DPH7: variants seen among roughly 807,000 people sequenced by gnomAD.
DPH7 encodes diphthamide biosynthesis 7, also known as diphthine methyltransferase.
Under a neutral mutation model 41.7 loss-of-function variants are expected in DPH7, and 44 were observed. That is an observed-to-expected ratio of 1.05 (90% confidence interval 0.83 to 1.36). The LOEUF is 1.36. DPH7 is among the 40% of genes most tolerant of loss of function. The pLI, the probability that DPH7 is intolerant of heterozygous loss-of-function variation, is 0.00. For synonymous variants in DPH7, 275 were observed against 238.0 expected (o/e 1.16, Z -1.43); for missense variants, 629 against 577.5 (o/e 1.09, Z -0.91).
At chr9:137,575,967 C>T (rs1172166535) in intron 3 of DPH7, 113 bp downstream of exon 3, 1 of 1,555,418 alleles carries the variant, frequency 6.4e-7, no homozygotes, top group Non-Finnish European at 8.7e-7. Flanking sequence ...TTATATATAG[C>T]TCACCATTGA....
intron 8 of DPH7, among the ~76,000 whole-genome samples, chr9:137,560,781 G>A (rs560082452): frequency 8.2e-4 from 124 of 151,808 alleles, no homozygotes; most frequent in African/African-American, 2.6e-3. Flanking sequence ...GCGTGAACCC[G>A]GGAGGCGGAG....
rs149311030 is a variant in DPH7, at chr9:137,574,314, C to T, written c.534G>A (p.Val178=). 650 of 1,614,100 alleles carry T rather than the reference C, an allele frequency of 4.0e-4. 2 individuals carry two copies. In the Middle Eastern group the frequency reaches 4.4e-3, roughly 11 times the overall value. ...TCTGCAGCCTGGGCCTCGTCTCATTCACCATCAGGAGGTGGAGCTGCCCTG... is the reference window on the plus strand; with the variant it reads ...TCTGCAGCCTGGGCCTCGTCTCATTTACCATCAGGAGGTGGAGCTGCCCTG... ...DSTGQLHLLM[V]NETRPRLQKV... Residue 178 remains valine, a synonymous_variant, in exon 5 of 9, where the codon GTG becomes GTA. Transcript: ENST00000277540.
At chr9:137,576,759 G>C (rs1009169166) in intron 2 of DPH7, among the ~76,000 whole-genome samples, 1 of 152,116 alleles carries the variant, frequency 6.6e-6, no homozygotes, top group Non-Finnish European at 1.5e-5. Context: ...GTGTGGTGGC[G>C]GGCGCCTGTA....
At chr9:137,578,375 C>T (rs995120995) in intron 1 of DPH7, 3 of 355,794 alleles carry the variant, frequency 8.4e-6, no homozygotes, top group Non-Finnish European at 1.5e-5. Context: ...ACCATGTTAG[C>T]CAGGATGGTC....
At position 137,558,030 on chromosome 9, in the gene DPH7, G is replaced by A. The variant is rs1158350235; in HGVS notation, c.950-2382C>T. On this transcript the variant is annotated intron_variant, in intron 8 of 8. Coordinates refer to ENST00000277540, the MANE Select transcript of DPH7 (RefSeq NM_138778.5). ...ACACACCTGTAATCCCAGCTACTCC[G>A]GAGGCTGCAGCAGGAGAGTTGCTTG... 4.6e-5 allele frequency among the ~76,000 whole-genome samples: 7 copies of A among 152,158 alleles called. No individual in the cohort carries two copies. In the South Asian group the frequency reaches 1.0e-3, roughly 23 times the overall value.
At position 137,574,297 on chromosome 9, in the gene DPH7, C is replaced by G; in HGVS notation, c.551G>C (p.Arg184Thr). Reference protein sequence around the residue: ...HLLMVNETRPRLQKVASWQAH... With the variant: ...HLLMVNETRPTLQKVASWQAH... ...CTGCCATGAGGCCACTTTCTGCAGCCTGGGCCTCGTCTCATTCACCATCAG... is the reference window on the plus strand; with the variant it reads ...CTGCCATGAGGCCACTTTCTGCAGCGTGGGCCTCGTCTCATTCACCATCAG... Residue 184 changes from arginine to threonine, a missense_variant, in exon 5 of 9, where the codon AGG becomes ACG. Transcript: ENST00000277540. 1 of 1,614,232 alleles carries G rather than the reference C, an allele frequency of 6.2e-7. No homozygotes were observed. The highest frequency in any genetic ancestry group is 8.5e-7 in the Non-Finnish European group (1 of 1,180,052).
intron 5 of DPH7, 21 bp downstream of exon 5, chr9:137,574,187 G>A (rs1449851450): frequency 2.5e-6 from 4 of 1,609,694 alleles, no homozygotes; most frequent in African/African-American, 1.3e-5. Context: ...CATCAGAGGT[G>A]ACCGGTGGAG....
Position 137,578,646 on chromosome 9 carries a change from C to G in DPH7, c.132G>C (p.Arg44=). ...GTYQLRRPED[R]PAGPQNKGGM... ...GCACCTTGTTCTGGGGGCCGGCAGG[C>G]CGGTCCTCCGGCCGCCGCAGCTGGT... Residue 44 remains arginine, a synonymous_variant, in exon 1 of 9, where the codon CGG becomes CGC. Transcript: ENST00000277540. The G allele has an allele frequency of 6.6e-7, 1 of 1,515,822 alleles. No homozygotes were observed. Among genetic ancestry groups the G allele is most frequent in the South Asian group, 1.2e-5 (1 of 81,692 alleles). The allele number at this position is 1,515,822 out of a possible 1,614,324, so 93.9% of individuals were successfully genotyped here.
chr9:137,561,021 C>CAAAAAAAAA (rs869251490), intron 8 of DPH7, among the ~76,000 whole-genome samples: 27 of 80,608 alleles, frequency 3.3e-4, no homozygotes, highest in African/African-American at 7.0e-4. Flanking sequence ...GACCCCATCT[C>CAAAAAAAAA]AAAAAAAAAA....
At chr9:137,564,797 A>AGGAGGAAAGGCAGCGAAAGAG (rs1839280306) in intron 7 of DPH7, 96 bp downstream of exon 7, 2 of 1,461,658 alleles carry the variant, frequency 1.4e-6, no homozygotes, top group Non-Finnish European at 1.9e-6. Context: ...CAATGGTGCC[A>AGGAGGAAAGGCAGCGAAAGAG]GGAGGAAAGG....
chr9:137,568,579 G>A (rs1168131739), intron 5 of DPH7, among the ~76,000 whole-genome samples: 3 of 151,990 alleles, frequency 2.0e-5, no homozygotes, highest in East Asian at 1.9e-4. Context: ...GCTCCCCGGG[G>A]TGACTCTGTC....
In DPH7 at chr9:137,578,897, C is replaced by G. The variant is rs544406780; in HGVS notation, c.-120G>C. On this transcript the variant is annotated 5_prime_UTR_variant, in exon 1 of 9. Transcript: ENST00000277540. ...GACGAGCGCAGAGCCCCAGGGACAC[C>G]GTCAGCGCGGGCCGCCTCTCTCGCG... 4 of 1,099,800 alleles carry G rather than the reference C, an allele frequency of 3.6e-6. No homozygotes were observed. The highest frequency in any genetic ancestry group is 6.6e-5 in the East Asian group (2 of 30,510). 68.1% of individuals were successfully genotyped at this position (1,099,800 alleles called of 1,614,324 possible). A position where few individuals can be genotyped will look rare whatever the true frequency, so the allele number is the denominator to read the frequency against.
intron 3 of DPH7, chr9:137,575,447 G>A (rs772789341): frequency 1.3e-5 from 13 of 988,352 alleles, no homozygotes; most frequent in South Asian, 4.6e-5. Context: ...GCTTTCCTGT[G>A]GCTGCTCTTT....
rs928493042 is a variant in DPH7 at position 137,556,056 on chromosome 9, C to T, written c.950-408G>A. ...AGCAGAGGTGAGAAAGTCCAAGGCT[C>T]GCACGGGGAACCACAAACAGGCAGC... On this transcript the variant is annotated intron_variant, in intron 8 of 8. Coordinates refer to ENST00000277540, the MANE Select transcript of DPH7 (RefSeq NM_138778.5). This position sits in a 1 kb window ranked among gnomAD's most constrained non-coding sequence, Gnocchi z 5.2. Among the ~76,000 whole-genome samples the T allele has an allele frequency of 9.2e-5, 14 of 152,148 alleles. No individual in the cohort carries two copies. In the East Asian group the frequency reaches 1.2e-3, roughly 13 times the overall value.
chr9:137,564,836 G>A (rs1839292238), intron 7 of DPH7, 57 bp downstream of exon 7: 2 of 1,545,930 alleles, frequency 1.3e-6, no homozygotes, highest in South Asian at 2.3e-5. Context: ...GGGCCCAGGA[G>A]CCCCCCGGGG....
At chr9:137,558,060 C>T (rs912418140) in intron 8 of DPH7, among the ~76,000 whole-genome samples, 8 of 151,868 alleles carry the variant, frequency 5.3e-5, no homozygotes, top group Admixed American at 1.3e-4. Context: ...TGCTTGAACC[C>T]GGAAGGTGGG....
rs12344692 is a variant in DPH7, at chr9:137,556,956, C to T, written c.950-1308G>A. ...TCTGATTAGCCACAGGCCAACGTTT[C>T]CTCCCTCTTTTTATTTTCAAGACAG... On this transcript the variant is annotated intron_variant, in intron 8 of 8. Transcript: ENST00000277540. The surrounding 1 kb of genome is among the most constrained non-coding windows in gnomAD (Gnocchi z 5.2). 0.012 allele frequency: 5,294 copies of T among 454,454 alleles called. 140 individuals carry two copies. Among genetic ancestry groups the T allele is most frequent in the African/African-American group, 0.052 (2,591 of 49,900 alleles). 28.2% of individuals were successfully genotyped at this position (454,454 alleles called of 1,614,324 possible).
intron 5 of DPH7, among the ~76,000 whole-genome samples, chr9:137,570,179 A>T (rs2133096192): frequency 6.7e-6 from 1 of 149,328 alleles, no homozygotes; most frequent in Middle Eastern, 3.4e-3. Flanking sequence ...AACACACACT[A>T]TGGACCCTCA....
intron 8 of DPH7, among the ~76,000 whole-genome samples, chr9:137,559,639 G>A (rs368021503): frequency 3.3e-4 from 50 of 152,302 alleles, no homozygotes; most frequent in African/African-American, 9.9e-4. Flanking sequence ...AAAGTCTCTG[G>A]TATGCAGAAA....
Sources: gnomAD v4.1 joint callset for allele counts (sites outside exome capture counted in the v4.1 genomes callset) on GRCh38, gnomAD v4.1.1 for gene constraint, Gnocchi (gnomAD v3.1) non-coding constraint, MANE v1.5 for transcripts, NCBI Gene and HGNC (gene_info 2026-07-23, HGNC 2026-07-21) for gene names.